ADAMTSL1: variants seen among roughly 807,000 people sequenced by gnomAD.
ADAMTSL1 encodes ADAMTS-like protein 1.
ADAMTSL1 carries 126 observed loss-of-function variants against 201.8 expected under a neutral mutation model. The observed-to-expected ratio is 0.62, with a 90% confidence interval of 0.54 to 0.72. The LOEUF (loss-of-function observed/expected upper bound fraction) is 0.72, where lower values mean the gene tolerates loss of function less well. ADAMTSL1 is among the 30% of genes least tolerant of loss of function. The pLI is 0.00. For missense variants in ADAMTSL1, 2,679 were observed against 2,277.8 expected, an observed-to-expected ratio of 1.18 and a Z score of -3.59; for synonymous variants, 1,121 against 903.4, an observed-to-expected ratio of 1.24 and a Z score of -4.32.
chr9:18,149,280 T>C (rs999053031), intron 1 of ADAMTSL1, among the ~76,000 whole-genome samples: 1 of 151,474 alleles, frequency 6.6e-6, no homozygotes, highest in Non-Finnish European at 1.5e-5. Flanking sequence ...GAACTGAAAA[T>C]GTAAAGCCAT....
chr9:18,707,958 T>C (rs1832327101), intron 14 of ADAMTSL1, among the ~76,000 whole-genome samples: 1 of 152,220 alleles, frequency 6.6e-6, no homozygotes. Context: ...TAGATTCATA[T>C]TGACACCATC....
At chr9:18,844,026 C>T (rs1475269418) in intron 23 of ADAMTSL1, among the ~76,000 whole-genome samples, 1 of 152,256 alleles carries the variant, frequency 6.6e-6, no homozygotes, top group African/African-American at 2.4e-5. Flanking sequence ...AAGACTTCTT[C>T]TCTCAACTTG....
rs1208034543 is a variant in ADAMTSL1 at position 18,368,207 on chromosome 9, G to T, written c.208-136622G>T. Among the ~76,000 whole-genome samples, 3 of 152,090 alleles carry T rather than the reference G, an allele frequency of 2.0e-5. No homozygotes were observed. The East Asian group carries it at 5.8e-4, about 29-fold the overall frequency. ...TGCGATTACAGGCGTGAGCCACCGC[G>T]CCTGGCTGAGGGAGTCTTTTAAAAG... On this transcript the variant is annotated intron_variant, in intron 2 of 29. Coordinates refer to the ADAMTSL1 transcript ENST00000680146.
chr9:18,430,884 AT>A (rs1381676051), intron 2 of ADAMTSL1, among the ~76,000 whole-genome samples: 4 of 152,228 alleles, frequency 2.6e-5, no homozygotes, highest in African/African-American at 9.7e-5. Context: ...GGTTAGAATG[AT>A]TAGCCCCATA....
chr9:18,379,072 G>A (rs1244532933), intron 2 of ADAMTSL1, among the ~76,000 whole-genome samples: 1 of 152,192 alleles, frequency 6.6e-6, no homozygotes, highest in Non-Finnish European at 1.5e-5. Flanking sequence ...AAGGAAGGAG[G>A]CAGTGTCATC....
rs369621948 is a variant in ADAMTSL1, at chr9:18,629,662, T to C, written c.602-6281T>C. Among the ~76,000 whole-genome samples the C allele has an allele frequency of 1.1e-4, 16 of 152,324 alleles. No homozygotes were observed. In the East Asian group the frequency reaches 3.1e-3, roughly 29 times the overall value. On this transcript the variant is annotated intron_variant, in intron 5 of 28. Transcript: ENST00000380548. ...TCGGCAGTATTTTGTTGAGGCTTTT[T>C]ATCTGTGTTCATGAGAGATACTGGT...
At chr9:18,738,158 C>T (rs1818624773) in intron 15 of ADAMTSL1, among the ~76,000 whole-genome samples, 1 of 152,040 alleles carries the variant, frequency 6.6e-6, no homozygotes, top group African/African-American at 2.4e-5. Flanking sequence ...GAATAGGGGA[C>T]CCAGATGGTC....
chr9:18,324,583 G>A (rs1012905983), intron 2 of ADAMTSL1, among the ~76,000 whole-genome samples: 2 of 151,872 alleles, frequency 1.3e-5, no homozygotes, highest in African/African-American at 2.4e-5. Context: ...TGACCAACAC[G>A]GTGAAATCTC....
At chr9:18,894,333 G>T (rs953076086) in intron 26 of ADAMTSL1, among the ~76,000 whole-genome samples, 1 of 120,724 alleles carries the variant, frequency 8.3e-6, no homozygotes, top group African/African-American at 3.4e-5. Flanking sequence ...GGGTGACAGA[G>T]CAAAACCTTG....
intron 19 of ADAMTSL1, among the ~76,000 whole-genome samples, chr9:18,778,964 A>C (rs139236586): frequency 3.6e-4 from 55 of 152,340 alleles, no homozygotes; most frequent in South Asian, 2.3e-3. Flanking sequence ...GTCTATATCT[A>C]AATGCTATTG....
intron 1 of ADAMTSL1, among the ~76,000 whole-genome samples, chr9:18,127,985 G>T (rs1219817513): frequency 6.6e-6 from 1 of 152,152 alleles, no homozygotes; most frequent in African/African-American, 2.4e-5. Context: ...AGCTTAGGTG[G>T]TTGATAATTT....
rs35926602 is a variant in ADAMTSL1, at chr9:18,815,711, C to CAAAA, written c.3806-1377_3806-1374dup. 8.6e-3 allele frequency among the ~76,000 whole-genome samples: 584 copies of CAAAA among 67,944 alleles called. 8 individuals carry two copies. Among genetic ancestry groups the CAAAA allele is most frequent in the East Asian group, 0.021 (58 of 2,814 alleles). 44.6% of individuals were successfully genotyped at this position (67,944 alleles called of 152,430 possible). On this transcript the variant is annotated intron_variant, in intron 20 of 28. Transcript: ENST00000380548. Reference sequence around the variant, plus strand: ...TGCCAAAGCAAGACCAACCCTGTCTCAAAAAAAAAAAAAAAAAAAAAAAAG... The same window carrying CAAAA: ...TGCCAAAGCAAGACCAACCCTGTCTCAAAAAAAAAAAAAAAAAAAAAAAAAAAAG...
chr9:17,922,842 T>C (rs1333609592), intron 1 of ADAMTSL1, among the ~76,000 whole-genome samples: 1 of 152,194 alleles, frequency 6.6e-6, no homozygotes, highest in Non-Finnish European at 1.5e-5. Context: ...CAGTTGTTTA[T>C]AAGTGGTTTT....
chr9:18,284,869 C>G (rs1427862039), intron 2 of ADAMTSL1, among the ~76,000 whole-genome samples: 2 of 152,174 alleles, frequency 1.3e-5, no homozygotes, highest in Non-Finnish European at 1.5e-5. Context: ...AAATAGAAAA[C>G]TATCCGTTAT....
chr9:17,935,677 C>T (rs1826976953), intron 1 of ADAMTSL1, among the ~76,000 whole-genome samples: 1 of 152,134 alleles, frequency 6.6e-6, no homozygotes, highest in African/African-American at 2.4e-5. Flanking sequence ...TCTCTCACAC[C>T]CCTTGCCTGA....
intron 9 of ADAMTSL1, among the ~76,000 whole-genome samples, chr9:18,671,820 G>A (rs181599971): frequency 9.2e-5 from 14 of 152,204 alleles, no homozygotes; most frequent in African/African-American, 2.2e-4. Flanking sequence ...GGCAGATCAC[G>A]AGGGCAGGAG....
chr9:17,977,439 G>C (rs1818500257), intron 1 of ADAMTSL1, among the ~76,000 whole-genome samples: 1 of 151,936 alleles, frequency 6.6e-6, no homozygotes, highest in Non-Finnish European at 1.5e-5. Context: ...TTTTTTCTTT[G>C]AAAGATTTTT....
intron 1 of ADAMTSL1, among the ~76,000 whole-genome samples, chr9:18,119,522 C>G (rs1365921542): frequency 6.6e-6 from 1 of 152,034 alleles, no homozygotes; most frequent in Non-Finnish European, 1.5e-5. Flanking sequence ...AGACTGGTCT[C>G]AAACTCCTGA....
intron 1 of ADAMTSL1, among the ~76,000 whole-genome samples, chr9:18,104,863 G>C (rs1824689245): frequency 6.6e-6 from 1 of 152,096 alleles, no homozygotes; most frequent in African/African-American, 2.4e-5. Flanking sequence ...TATCTTACCT[G>C]TGTCTACTGG....
Sources: gnomAD v4.1 joint callset for allele counts (sites outside exome capture counted in the v4.1 genomes callset) on GRCh38, gnomAD v4.1.1 for gene constraint, MANE v1.5 for transcripts, NCBI Gene and HGNC (gene_info 2026-07-23, HGNC 2026-07-21) for gene names.